ARHGAP33: variants seen among roughly 807,000 people sequenced by gnomAD.
The protein encoded by ARHGAP33 is rho GTPase-activating protein 33.
Under a neutral mutation model 126.2 loss-of-function variants are expected in ARHGAP33, and 57 were observed. The ratio of observed to expected loss-of-function variants is 0.45; its 90% CI spans 0.36 to 0.56. The LOEUF is 0.56. Among genes scored for constraint, ARHGAP33 ranks in the 20% least tolerant of loss-of-function variants. The pLI is 0.00. For synonymous variants in ARHGAP33, 711 were observed against 755.0 expected (o/e 0.94, Z 0.95); for missense variants, 1,500 against 1,748.3 (o/e 0.86, Z 2.53).
At position 35,784,299 on chromosome 19, in the gene ARHGAP33, G is replaced by T; in HGVS notation, c.1549G>T (p.Ala517Ser). The change falls in exon 16 of 21, where the codon GCC becomes TCC. Residue 517 changes from alanine to serine, a missense_variant. Coordinates refer to ENST00000007510, the MANE Select transcript of ARHGAP33 (RefSeq NM_001366178.1). ...CCTGTTCAGCGACACCTTCACCTCC[G>T]CCGGCCTCGACCCTGCAGGTATGCC... Reference protein sequence around the residue: ...DVLFSDTFTSAGLDPAGRCLL... With the variant: ...DVLFSDTFTSSGLDPAGRCLL... 1.3e-6 allele frequency: 2 copies of T among 1,589,092 alleles called. No individual in the cohort carries two copies. The highest frequency in any genetic ancestry group is 1.1e-5 in the South Asian group (1 of 87,118).
Position 35,787,515 on chromosome 19 carries a change from C to T in ARHGAP33, c.2950C>T (p.Arg984Trp), listed in dbSNP as rs1465955933. 19 of 1,611,886 alleles carry T rather than the reference C, an allele frequency of 1.2e-5. No individual in the cohort carries two copies. Among genetic ancestry groups the T allele is most frequent in the Middle Eastern group, 1.7e-4 (1 of 6,044 alleles). ...QSDGSLLRSQRPMGTSRRGLR... is the reference protein window; with the variant it reads ...QSDGSLLRSQWPMGTSRRGLR... The stretch of plus-strand genomic sequence containing the variant: ...TGATGGGAGCCTGCTGAGGAGCCAG[C>T]GGCCCATGGGGACCTCAAGGAGGGG... Residue 984 changes from arginine (R) to tryptophan (W), a missense_variant, in exon 21 of 21, where the codon CGG becomes TGG. This residue lies in a region of ARHGAP33 where 642 missense variants were observed against 634.0 expected (regional missense o/e 1.01). Transcript: ENST00000007510.
At position 35,785,267 on chromosome 19, in the gene ARHGAP33, C is replaced by A; in HGVS notation, c.1800C>A (p.Gly600=). 1.3e-6 allele frequency: 2 copies of A among 1,596,904 alleles called. No individual in the cohort carries two copies. The highest frequency in any genetic ancestry group is 1.7e-6 in the Non-Finnish European group (2 of 1,171,404). The part of the protein sequence containing the change: ...SWKTFFALGR[G]PSVPRKKPLP... Reference sequence around the variant, plus strand: ...AGACGTTCTTTGCACTGGGCCGGGGCCCCAGTGTCCCTCGAAAGAAGCCCC... The same window carrying A: ...AGACGTTCTTTGCACTGGGCCGGGGACCCAGTGTCCCTCGAAAGAAGCCCC... Residue 600 remains glycine, a synonymous_variant, in exon 18 of 21, where the codon GGC becomes GGA. Transcript: ENST00000007510.
Position 35,782,240 on chromosome 19 carries a change from A to G in ARHGAP33, c.1086-133A>G. ...GTTCAGTAAGGTTCTGCCTCTGAAGAGCCCAGTGTAGGACCTGGGGAAGAG... is the reference window on the plus strand; with the variant it reads ...GTTCAGTAAGGTTCTGCCTCTGAAGGGCCCAGTGTAGGACCTGGGGAAGAG... On this transcript the variant is annotated intron_variant, in intron 12 of 20. Transcript: ENST00000007510. The surrounding 1 kb of genome is among the most constrained non-coding windows in gnomAD (Gnocchi z 4.1). The G allele has an allele frequency of 1.0e-6, 1 of 973,472 alleles. No individual in the cohort carries two copies. The highest frequency in any genetic ancestry group is 1.5e-6 in the Non-Finnish European group (1 of 652,052). 60.3% of individuals were successfully genotyped at this position (973,472 alleles called of 1,614,324 possible).
Position 35,787,180 on chromosome 19 carries a change from A to G in ARHGAP33, c.2615A>G (p.Glu872Gly), listed in dbSNP as rs1254310220. ...GAQGPLGPDMESPLPPPPLSL... is the reference protein window; with the variant it reads ...GAQGPLGPDMGSPLPPPPLSL... Reference sequence around the variant, plus strand: ...TTCATTTATATAGGTCCTGATATGGAGTCACCACTGCCACCCCCTCCCCTG... The same window carrying G: ...TTCATTTATATAGGTCCTGATATGGGGTCACCACTGCCACCCCCTCCCCTG... The change falls in exon 21 of 21, where the codon GAG (glutamate) becomes GGG (glycine). Residue 872 changes from glutamate (E) to glycine (G), a missense_variant. Transcript: ENST00000007510. The G allele has an allele frequency of 5.6e-6, 9 of 1,610,212 alleles. No homozygotes were observed. Among genetic ancestry groups the G allele is most frequent in the Non-Finnish European group, 7.6e-6 (9 of 1,178,852 alleles).
intron 20 of ARHGAP33, 30 bp downstream of exon 20, chr19:35,787,102 C>T (rs775300659): frequency 2.3e-5 from 36 of 1,598,740 alleles, no homozygotes; most frequent in Non-Finnish European, 3.0e-5. Flanking sequence ...CACCCCTGTC[C>T]CCGCCAGCTG....
chr19:35,781,813 A>G (rs1335529173), intron 12 of ARHGAP33, among the ~76,000 whole-genome samples: 1 of 152,062 alleles, frequency 6.6e-6, no homozygotes, highest in African/African-American at 2.4e-5. Flanking sequence ...GGCTTTTACT[A>G]TAAGTGAAGG....
chr19:35,776,954 ATG>A (rs539392077), intron 1 of ARHGAP33, among the ~76,000 whole-genome samples: 4 of 152,168 alleles, frequency 2.6e-5, no homozygotes, highest in Non-Finnish European at 5.9e-5. Context: ...GTGAGGATGA[ATG>A]TACCCAGGGA....
rs200766421 is a variant in ARHGAP33, at chr19:35,788,044, G to A, written c.3479G>A (p.Arg1160Gln). 1.3e-5 allele frequency: 21 copies of A among 1,599,054 alleles called. No individual in the cohort carries two copies. Among genetic ancestry groups the A allele is most frequent in the African/African-American group, 1.3e-4 (9 of 70,814 alleles). ...LGYSAPQHPA[R>Q]RPTPPEPLYV... ...TACTCAGCCCCCCAGCACCCTGCTC[G>A]GCGCCCTACACCGCCTGAGCCCCTC... The change falls in exon 21 of 21, where the codon CGG becomes CAG. Residue 1160 changes from arginine (R) to glutamine (Q), a missense_variant. By Grantham distance (43) the Arg-to-Gln change is conservative. This residue lies in a region of ARHGAP33 where 642 missense variants were observed against 634.0 expected (regional missense o/e 1.01). Transcript: ENST00000007510.
Position 35,775,569 on chromosome 19 carries a change from C to T in ARHGAP33, c.-90C>T. 2 of 1,403,090 alleles carry T rather than the reference C, an allele frequency of 1.4e-6. No individual in the cohort carries two copies. The highest frequency in any genetic ancestry group is 1.9e-6 in the Non-Finnish European group (2 of 1,078,744). The allele number at this position is 1,403,090 out of a possible 1,614,324, so 86.9% of individuals were successfully genotyped here. A position where few individuals can be genotyped will look rare whatever the true frequency, so the allele number is the denominator to read the frequency against. ...GCCGCCCGCGCGCGGCTCGCGCCCT[C>T]CCCTTTGTGTCGCCATGGCGGCGGC... On this transcript the variant is annotated 5_prime_UTR_variant, in exon 1 of 21. Transcript: ENST00000007510.
rs375297737 is a variant in ARHGAP33 at position 35,778,540 on chromosome 19, A to T, written c.347A>T (p.Asp116Val). 1 of 1,613,894 alleles carries T rather than the reference A, an allele frequency of 6.2e-7. No homozygotes were observed. Among genetic ancestry groups the T allele is most frequent in the African/African-American group, 1.3e-5 (1 of 74,872 alleles). Residue 116 changes from aspartate (D) to valine (V), a missense_variant, in exon 5 of 21, where the codon GAC becomes GTC. Physicochemically the swap from Asp to Val is radical, Grantham distance 152. Transcript: ENST00000007510. ...GCCCACCTCCACCGGTGCATATTTG[A>T]CCGGAGGTTCTCCTGCCTTCCGGAG... ...LDAHLHRCIFDRRFSCLPELP... is the reference protein window; with the variant it reads ...LDAHLHRCIFVRRFSCLPELP...
intron 1 of ARHGAP33, 65 bp from the exon 2 acceptor site, chr19:35,777,580 T>C: frequency 7.2e-7 from 1 of 1,384,054 alleles, no homozygotes; most frequent in Admixed American, 2.0e-5. Flanking sequence ...CGCTGCCAGA[T>C]AACAATGCTC....
chr19:35,780,468 G>A lies in ARHGAP33; in HGVS notation c.672G>A (p.Arg224=). 6.2e-7 allele frequency: 1 copy of A among 1,604,214 alleles called. No homozygotes were observed. Among genetic ancestry groups the A allele is most frequent in the South Asian group, 1.1e-5 (1 of 90,064 alleles). ...TCGACATGCCACCCACAGAGGATCG[G>A]AGCTGGTGGCGGGGCAAGCGAGGCT... ...SVIDMPPTED[R]SWWRGKRGFQ... Residue 224 remains arginine, a synonymous_variant, in exon 8 of 21, where the codon CGG becomes CGA. Transcript: ENST00000007510.
chr19:35,784,902 G>A (rs1388644602), intron 16 of ARHGAP33, 51 bp from the exon 17 acceptor site: 2 of 1,491,800 alleles, frequency 1.3e-6, no homozygotes, highest in Non-Finnish European at 1.8e-6. Flanking sequence ...CTTTGCCTGT[G>A]GCCTTGGGCG....
At position 35,780,627 on chromosome 19, in the gene ARHGAP33, C is replaced by CCAGGTCCGGGCCTGAAGGTCTTCA. The variant is rs1435183798; in HGVS notation, c.766_767insTCTTCACAGGTCCGGGCCTGAAGG (p.Lys255_Ala256insValPheThrGlyProGlyLeuLys). The CCAGGTCCGGGCCTGAAGGTCTTCA allele has an allele frequency of 6.2e-7, 1 of 1,612,700 alleles. No individual in the cohort carries two copies. ...GTGTGTGGAACTCTTCACAGAGCGG[C>CCAGGTCCGGGCCTGAAGGTCTTCA]CAGGTCCGGGCCTGAAGGCGGGTAA... On this transcript the variant is annotated inframe_insertion, in exon 9 of 21. Coordinates refer to ENST00000007510, the MANE Select transcript of ARHGAP33 (RefSeq NM_001366178.1).
chr19:35,781,327 C>T, intron 12 of ARHGAP33, 75 bp downstream of exon 12: 1 of 1,441,802 alleles, frequency 6.9e-7, no homozygotes, highest in Non-Finnish European at 9.7e-7. Context: ...GTGCTGCATG[C>T]TGGGGACACA....
At position 35,781,084 on chromosome 19, in the gene ARHGAP33, G is replaced by GGGGCCCC; in HGVS notation, c.982+12_982+13insGGGCCCC. ...CTCAGGCCAGGATGGTGAGGCCGGG[G>GGGGCCCC]CCCACCCACCCCACCCGTCACACCA... On this transcript the variant is annotated intron_variant, in intron 11 of 20. Coordinates refer to ENST00000007510, the MANE Select transcript of ARHGAP33 (RefSeq NM_001366178.1). 16 of 1,607,380 alleles carry GGGGCCCC rather than the reference G, an allele frequency of 1.0e-5. No homozygotes were observed. Among genetic ancestry groups the GGGGCCCC allele is most frequent in the Non-Finnish European group, 1.4e-5 (16 of 1,176,326 alleles).
In ARHGAP33 at chr19:35,775,655, G is replaced by C; in HGVS notation, c.-4G>C. ...CGGCCGGGGCCTGAGGAGGCTACGCGACCATGGTGGTAAGGGTCCCACGCG... is the reference window on the plus strand; with the variant it reads ...CGGCCGGGGCCTGAGGAGGCTACGCCACCATGGTGGTAAGGGTCCCACGCG... On this transcript the variant is annotated 5_prime_UTR_variant, in exon 1 of 21. Coordinates refer to ENST00000007510, the MANE Select transcript of ARHGAP33 (RefSeq NM_001366178.1). The C allele has an allele frequency of 6.5e-7, 1 of 1,549,560 alleles. No homozygotes were observed. Among genetic ancestry groups the C allele is most frequent in the Non-Finnish European group, 8.7e-7 (1 of 1,153,290 alleles).
At position 35,786,882 on chromosome 19, in the gene ARHGAP33, A is replaced by G; in HGVS notation, c.2412A>G (p.Pro804=). The part of the protein sequence containing the change: ...DISEPLAVSV[P]PAVLELLGAG... ...CAGAGCCCCTGGCTGTATCAGTGCC[A>G]CCCGCTGTCCTAGAACTGCTGGGGG... Residue 804 remains proline (P), a synonymous_variant, in exon 20 of 21, where the codon CCA becomes CCG. Coordinates refer to ENST00000007510, the MANE Select transcript of ARHGAP33 (RefSeq NM_001366178.1). The surrounding 1 kb of genome is among the most constrained non-coding windows in gnomAD (Gnocchi z 7.0). 1 of 1,605,636 alleles carries G rather than the reference A, an allele frequency of 6.2e-7. No individual in the cohort carries two copies. The highest frequency in any genetic ancestry group is 8.5e-7 in the Non-Finnish European group (1 of 1,178,382).
At position 35,784,181 on chromosome 19, in the gene ARHGAP33, G is replaced by C; in HGVS notation, c.1431G>C (p.Glu477Asp). Reference sequence around the variant, plus strand: ...CGCTCCTCCCACCCAGGTCCATGGAGCTGGAGTCAGTGGGAATGGGTGGCG... The same window carrying C: ...CGCTCCTCCCACCCAGGTCCATGGACCTGGAGTCAGTGGGAATGGGTGGCG... ...VWAPNLLRSM[E>D]LESVGMGGAA... Residue 477 changes from glutamate to aspartate, a missense_variant, in exon 16 of 21, where the codon GAG becomes GAC. Transcript: ENST00000007510. 1 of 1,611,502 alleles carries C rather than the reference G, an allele frequency of 6.2e-7. No individual in the cohort carries two copies. The highest frequency in any genetic ancestry group is 8.5e-7 in the Non-Finnish European group (1 of 1,178,548).
Sources: allele counts gnomAD v4.1 joint callset (sites outside exome capture counted in the v4.1 genomes callset), GRCh38; gene constraint gnomAD v4.1.1; regional missense constraint gnomAD v4.1.1; non-coding constraint Gnocchi (gnomAD v3.1); transcripts MANE v1.5; gene names NCBI Gene and HGNC (gene_info 2026-07-23, HGNC 2026-07-21).